GMDS: variants seen among roughly 807,000 people sequenced by gnomAD.
The protein encoded by GMDS is GDP-mannose 4,6 dehydratase.
GMDS carries 20 observed loss-of-function variants against 49.9 expected under a neutral mutation model. That is an observed-to-expected ratio of 0.40 (90% confidence interval 0.28 to 0.58). The LOEUF (loss-of-function observed/expected upper bound fraction) is 0.58, where lower values mean the gene tolerates loss of function less well. GMDS is among the 20% of genes least tolerant of loss of function. GMDS has a pLI of 0.42. For missense variants in GMDS, 362 were observed against 481.4 expected (o/e 0.75, Z 2.32); for synonymous variants, 177 against 178.6 (o/e 0.99, Z 0.07).
In GMDS at chr6:1,679,293, T is replaced by C. The variant is rs1744611104; in HGVS notation, c.987+47123A>G. 3 of 152,200 alleles carry C rather than the reference T, an allele frequency of 2.0e-5. No homozygotes were observed. The South Asian group carries it at 6.2e-4, about 32-fold the overall frequency. The allele number at this position is 152,200 out of a possible 1,614,324, so 9.4% of individuals were successfully genotyped here. A position where few individuals can be genotyped will look rare whatever the true frequency, so the allele number is the denominator to read the frequency against. On this transcript the variant is annotated intron_variant, in intron 9 of 10. Coordinates refer to ENST00000380815, the MANE Select transcript of GMDS (RefSeq NM_001500.4). ...CCTGTGACACCCTCTTCTACTGAAATATATGAATTGTTTTAGGCCATCGGG... is the reference window on the plus strand; with the variant it reads ...CCTGTGACACCCTCTTCTACTGAAACATATGAATTGTTTTAGGCCATCGGG...
rs561140548 is a variant in GMDS at position 2,224,790 on chromosome 6, T to C, written c.102+20531A>G. Among the ~76,000 whole-genome samples the C allele has an allele frequency of 1.2e-3, 176 of 152,368 alleles. 1 individual carries two copies. The highest frequency in any genetic ancestry group is 3.4e-3 in the Middle Eastern group (1 of 294). On this transcript the variant is annotated intron_variant, in intron 1 of 10. Transcript: ENST00000380815. ...AAAAGAATTCTAGGTCAAAGCAGAC[T>C]AATGTTCAGGACAGCCAAGAGTAAA...
intron 4 of GMDS, among the ~76,000 whole-genome samples, chr6:1,961,203 C>T (rs1042234707): frequency 6.6e-6 from 1 of 152,194 alleles, no homozygotes; most frequent in Non-Finnish European, 1.5e-5. Context: ...CGCCCTTCTA[C>T]TACTCGTAAT....
chr6:2,188,859 A>G (rs1389403586), intron 1 of GMDS, among the ~76,000 whole-genome samples: 1 of 152,206 alleles, frequency 6.6e-6, no homozygotes, highest in Non-Finnish European at 1.5e-5. Context: ...CCATACCCAG[A>G]AACAACAAGG....
chr6:1,649,277 T>A (rs1394983669), intron 9 of GMDS, among the ~76,000 whole-genome samples: 1 of 152,182 alleles, frequency 6.6e-6, no homozygotes, highest in African/African-American at 2.4e-5. Context: ...AGTCTTGCTG[T>A]GATTCACCTC....
At chr6:1,753,223 A>T (rs1767803812) in intron 7 of GMDS, among the ~76,000 whole-genome samples, 2 of 152,208 alleles carry the variant, frequency 1.3e-5, no homozygotes, top group African/African-American at 4.8e-5. Context: ...AAAAAGAAAA[A>T]AAAGCAGGGG....
At chr6:2,016,850 A>G (rs1370052744) in intron 4 of GMDS, among the ~76,000 whole-genome samples, 1 of 152,208 alleles carries the variant, frequency 6.6e-6, no homozygotes, top group African/African-American at 2.4e-5. Flanking sequence ...AGAAATTAGA[A>G]TATGTATTTT....
At chr6:1,754,019 G>C (rs1438682607) in intron 7 of GMDS, among the ~76,000 whole-genome samples, 1 of 152,002 alleles carries the variant, frequency 6.6e-6, no homozygotes, top group Non-Finnish European at 1.5e-5. Context: ...CAGAAGACAA[G>C]AAATAACTAA....
rs1260746659 is a variant in GMDS at position 1,839,660 on chromosome 6, A to G, written c.771+90443T>C. On this transcript the variant is annotated intron_variant, in intron 7 of 10. Coordinates refer to ENST00000380815, the MANE Select transcript of GMDS (RefSeq NM_001500.4). ...ATTCCAAGTCAGATGTACTATTCCA[A>G]CTGATGTTGTAATTTTCACCCTGGA... Among the ~76,000 whole-genome samples the G allele has an allele frequency of 4.6e-5, 7 of 152,284 alleles. No individual in the cohort carries two copies. In the East Asian group the frequency reaches 1.4e-3, roughly 29 times the overall value.
chr6:1,678,434 C>T (rs963873439), intron 9 of GMDS, among the ~76,000 whole-genome samples: 2 of 152,198 alleles, frequency 1.3e-5, no homozygotes, highest in Non-Finnish European at 2.9e-5. Flanking sequence ...GCCTGGTTCC[C>T]TGGTGACCTT....
At chr6:2,013,820 A>C (rs973724793) in intron 4 of GMDS, among the ~76,000 whole-genome samples, 4 of 96,920 alleles carry the variant, frequency 4.1e-5, no homozygotes, top group Non-Finnish European at 9.1e-5. Context: ...GAATGCCAGA[A>C]AAAGAGCAAA....
intron 4 of GMDS, among the ~76,000 whole-genome samples, chr6:2,017,992 T>C (rs1193624414): frequency 6.6e-6 from 1 of 152,196 alleles, no homozygotes; most frequent in Non-Finnish European, 1.5e-5. Context: ...ATAGAAATAA[T>C]TTTTAAATTT....
At chr6:2,047,496 T>C (rs1196142465) in intron 4 of GMDS, among the ~76,000 whole-genome samples, 1 of 152,058 alleles carries the variant, frequency 6.6e-6, no homozygotes, top group African/African-American at 2.4e-5. Context: ...TTGTTTTTTC[T>C]TTTTTTTGAG....
chr6:2,220,552 T>A (rs1334263974), intron 1 of GMDS, among the ~76,000 whole-genome samples: 1 of 152,338 alleles, frequency 6.6e-6, no homozygotes, highest in South Asian at 2.1e-4. Flanking sequence ...ACTGTCCACA[T>A]GGGTGGCTCA....
At chr6:1,952,019 G>T in intron 6 of GMDS, 1 of 974,212 alleles carries the variant, frequency 1.0e-6, no homozygotes, top group Non-Finnish European at 1.2e-6. Flanking sequence ...CCACAAATAT[G>T]TACAATATTT....
At chr6:2,121,039 C>T (rs1775110700) in intron 2 of GMDS, among the ~76,000 whole-genome samples, 1 of 152,168 alleles carries the variant, frequency 6.6e-6, no homozygotes. Flanking sequence ...GATAGGTGTG[C>T]TTATCATCCC....
chr6:1,885,628 G>A lies in GMDS; in HGVS notation c.771+44475C>T, dbSNP rs79580806. Among the ~76,000 whole-genome samples, 3 of 152,306 alleles carry A rather than the reference G, an allele frequency of 2.0e-5. No homozygotes were observed. The East Asian group carries it at 5.8e-4, about 29-fold the overall frequency. Reference sequence around the variant, plus strand: ...TGACTGTTCCTTGGTCTCCGAGGTTGCCTAAGTATTAGAGGGCAGAGTCCA... The same window carrying A: ...TGACTGTTCCTTGGTCTCCGAGGTTACCTAAGTATTAGAGGGCAGAGTCCA... On this transcript the variant is annotated intron_variant, in intron 7 of 10. Coordinates refer to ENST00000380815, the MANE Select transcript of GMDS (RefSeq NM_001500.4).
At chr6:1,728,273 A>C (rs1766662425) in intron 8 of GMDS, among the ~76,000 whole-genome samples, 1 of 152,240 alleles carries the variant, frequency 6.6e-6, no homozygotes, top group Non-Finnish European at 1.5e-5. Flanking sequence ...TAATTGTTTA[A>C]GTAGAACCTT....
intron 9 of GMDS, among the ~76,000 whole-genome samples, chr6:1,673,740 C>G (rs1764500050): frequency 6.6e-6 from 1 of 152,060 alleles, no homozygotes; most frequent in African/African-American, 2.4e-5. Flanking sequence ...TCTTTTAACT[C>G]TCTCCATAGT....
At chr6:1,779,790 C>T (rs1769004705) in intron 7 of GMDS, among the ~76,000 whole-genome samples, 1 of 152,240 alleles carries the variant, frequency 6.6e-6, no homozygotes, top group African/African-American at 2.4e-5. Flanking sequence ...TTGAAGGCCA[C>T]AGACGTAACT....
Sources: allele counts gnomAD v4.1 joint callset (sites outside exome capture counted in the v4.1 genomes callset), GRCh38; gene constraint gnomAD v4.1.1; transcripts MANE v1.5; gene names NCBI Gene and HGNC (gene_info 2026-07-23, HGNC 2026-07-21).